Variants in CD4 observed in about 807,000 individuals in gnomAD.
The protein encoded by CD4 is CD4 molecule.
CD4 carries 25 observed loss-of-function variants against 50.5 expected under a neutral mutation model. The observed-to-expected ratio is 0.49, with a 90% CI of 0.36 to 0.69. The LOEUF is 0.69. Among genes scored for constraint, CD4 ranks in the 30% least tolerant of loss-of-function variants. The pLI, the probability that CD4 is intolerant of heterozygous loss-of-function variation, is 0.00. For missense variants in CD4, 456 were observed against 548.5 expected (o/e 0.83, Z 1.68); for synonymous variants, 207 against 221.9 (o/e 0.93, Z 0.60).
At chr12:6,802,876 G>A (rs2137871235) in intron 3 of CD4, among the ~76,000 whole-genome samples, 1 of 152,090 alleles carries the variant, frequency 6.6e-6, no homozygotes, top group Non-Finnish European at 1.5e-5. Context: ...TGGGACTACA[G>A]ACACGTGCCA....
rs781953886 is a variant in CD4 at position 6,817,118 on chromosome 12, G to A, written c.956-12G>A. ...CTCAGGCCTTTGATCTCAGCCTCTC[G>A]TTCCTCTGCAGCCACTCAGCTCCAG... On this transcript the variant is annotated splice_polypyrimidine_tract_variant and intron_variant, in intron 6 of 9. Transcript: ENST00000011653. 5.0e-6 allele frequency: 8 copies of A among 1,610,910 alleles called. No individual in the cohort carries two copies. Among genetic ancestry groups the A allele is most frequent in the Admixed American group, 3.3e-5 (2 of 59,962 alleles).
At position 6,818,088 on chromosome 12, in the gene CD4, ACG is replaced by A. The variant is rs1344029168; in HGVS notation, c.1157-329_1157-328del. Among the ~76,000 whole-genome samples the A allele has an allele frequency of 3.3e-4, 49 of 149,510 alleles. No individual in the cohort carries two copies. Among genetic ancestry groups the A allele is most frequent in the African/African-American group, 8.3e-4 (33 of 39,968 alleles). ...CACACACATTCACACATGGACTCAC[ACG>A]CGCACACGCGCGCACACACACACAT... On this transcript the variant is annotated intron_variant, in intron 7 of 9. Coordinates refer to ENST00000011653, the MANE Select transcript of CD4 (RefSeq NM_000616.5). This position sits in a 1 kb window ranked among gnomAD's most constrained non-coding sequence, Gnocchi z 5.0.
At chr12:6,812,035 C>T (rs1168533487) in intron 3 of CD4, among the ~76,000 whole-genome samples, 1 of 152,026 alleles carries the variant, frequency 6.6e-6, no homozygotes, top group Non-Finnish European at 1.5e-5. Context: ...CTAGGTTGGT[C>T]CCAGACTCCT....
chr12:6,797,265 T>C (rs1942400068), intron 1 of CD4, among the ~76,000 whole-genome samples: 1 of 151,958 alleles, frequency 6.6e-6, no homozygotes, highest in African/African-American at 2.4e-5. Flanking sequence ...GTCTCGCCTG[T>C]CTGCCAAGCG....
chr12:6,818,598 C>A lies in CD4; in HGVS notation c.1278+56C>A. The A allele has an allele frequency of 6.2e-7, 1 of 1,606,064 alleles. No individual in the cohort carries two copies. ...GCCCTCAAACCCCTGAGTCCTCTAC[C>A]AGGAGATCCTGTATATGGGAACTGA... On this transcript the variant is annotated intron_variant, in intron 8 of 9. Transcript: ENST00000011653. This position sits in a 1 kb window ranked among gnomAD's most constrained non-coding sequence, Gnocchi z 5.0.
chr12:6,805,360 T>C (rs1173923908), intron 3 of CD4, among the ~76,000 whole-genome samples: 2 of 151,586 alleles, frequency 1.3e-5, no homozygotes, highest in Non-Finnish European at 2.9e-5. Flanking sequence ...GTCGGGAGTT[T>C]GAGACCAGCC....
In CD4 at chr12:6,792,626, G is replaced by C. The variant is rs556029236; in HGVS notation, c.-68+2964G>C. Among the ~76,000 whole-genome samples the C allele has an allele frequency of 6.6e-6, 1 of 152,084 alleles. No individual in the cohort carries two copies. The highest frequency in any genetic ancestry group is 1.5e-5 in the Non-Finnish European group (1 of 68,010). ...CATGTGTCCCTCCCACCCTGCAGCC[G>C]GCTCCCTCACATCCACCCTGGGCTG... On this transcript the variant is annotated intron_variant, in intron 1 of 9. Transcript: ENST00000011653. This position sits in a 1 kb window ranked among gnomAD's most constrained non-coding sequence, Gnocchi z 4.1.
intron 1 of CD4, among the ~76,000 whole-genome samples, chr12:6,793,532 C>T (rs1389248452): frequency 1.3e-5 from 2 of 152,148 alleles, no homozygotes; most frequent in African/African-American, 2.4e-5. Context: ...TGCATGCTAA[C>T]CTGTAAACAC....
At chr12:6,813,910 G>A in intron 3 of CD4, 2 of 406,380 alleles carry the variant, frequency 4.9e-6, no homozygotes, top group Non-Finnish European at 8.9e-6. Context: ...TGTAGGAGTT[G>A]GTGCTCTCCA....
chr12:6,801,756 T>C (rs1163624527), intron 3 of CD4, among the ~76,000 whole-genome samples: 1 of 149,744 alleles, frequency 6.7e-6, no homozygotes, highest in Non-Finnish European at 1.5e-5. Flanking sequence ...GAGACAGAGT[T>C]TCACGGTGTT....
chr12:6,817,138 C>A lies in CD4; in HGVS notation c.964C>A (p.Leu322Ile). The change falls in exon 7 of 10, where the codon CTC (leucine) becomes ATC (isoleucine). Residue 322 changes from leucine (L) to isoleucine (I), a missense_variant. Transcript: ENST00000011653. The stretch of plus-strand genomic sequence containing the variant: ...CTCTCGTTCCTCTGCAGCCACTCAG[C>A]TCCAGAAAAATTTGACCTGTGAGGT... ...VNLVVMRATQ[L>I]QKNLTCEVWG... 6.2e-7 allele frequency: 1 copy of A among 1,613,686 alleles called. No individual in the cohort carries two copies. Among genetic ancestry groups the A allele is most frequent in the South Asian group, 1.1e-5 (1 of 91,080 alleles).
rs933514081 is a variant in CD4, at chr12:6,792,038, T to C, written c.-68+2376T>C. 5.3e-5 allele frequency among the ~76,000 whole-genome samples: 8 copies of C among 152,170 alleles called. No individual in the cohort carries two copies. The East Asian group carries it at 1.4e-3, about 26-fold the overall frequency. Reference sequence around the variant, plus strand: ...TGGGTGTCTGAGGCGAAGAAGAGGATGGCGGAGGTTGCAGCCACCAACCAC... The same window carrying C: ...TGGGTGTCTGAGGCGAAGAAGAGGACGGCGGAGGTTGCAGCCACCAACCAC... On this transcript the variant is annotated intron_variant, in intron 1 of 9. Coordinates refer to ENST00000011653, the MANE Select transcript of CD4 (RefSeq NM_000616.5). The surrounding 1 kb of genome is among the most constrained non-coding windows in gnomAD (Gnocchi z 4.1).
intron 1 of CD4, among the ~76,000 whole-genome samples, chr12:6,795,707 G>T (rs574900251): frequency 9.2e-5 from 14 of 152,352 alleles, no homozygotes; most frequent in African/African-American, 2.9e-4. Flanking sequence ...GCTGTGGAGG[G>T]GCAGGGCTGC....
chr12:6,802,963 G>A (rs941322024), intron 3 of CD4, among the ~76,000 whole-genome samples: 1 of 151,898 alleles, frequency 6.6e-6, no homozygotes, highest in East Asian at 1.9e-4. Flanking sequence ...TCAATCTCTC[G>A]ACTTCGTGAT....
intron 1 of CD4, among the ~76,000 whole-genome samples, chr12:6,799,793 A>G (rs1555114902): frequency 1.3e-5 from 2 of 152,198 alleles, no homozygotes; most frequent in Non-Finnish European, 2.9e-5. Context: ...GTATATGCCC[A>G]TCTCTTAGGA....
At chr12:6,803,850 G>A (rs1019495148) in intron 3 of CD4, among the ~76,000 whole-genome samples, 7 of 150,982 alleles carry the variant, frequency 4.6e-5, no homozygotes, top group Non-Finnish European at 8.9e-5. Context: ...GGTGGCTCAC[G>A]CCTGTAATCC....
chr12:6,814,339 G>A, intron 4 of CD4, 39 bp downstream of exon 4: 2 of 1,591,580 alleles, frequency 1.3e-6, no homozygotes, highest in Non-Finnish European at 1.7e-6. Flanking sequence ...CCTCCTGCCT[G>A]GTTCCCTTCC....
chr12:6,799,480 TACGGGG>T (rs1555114826), intron 1 of CD4: 1 of 152,644 alleles, frequency 6.6e-6, no homozygotes, highest in Non-Finnish European at 1.5e-5. Context: ...CTAATTACTA[TACGGGG>T]TCATTTTGAG....
chr12:6,813,328 A>T (rs12812942), intron 3 of CD4, among the ~76,000 whole-genome samples: 43,837 of 150,568 alleles, frequency 0.29, 7,195 homozygotes, highest in Non-Finnish European at 0.36. Flanking sequence ...AAGAGCTGGG[A>T]TGAGAGATTT....
Sources: allele counts gnomAD v4.1 joint callset (sites outside exome capture counted in the v4.1 genomes callset), GRCh38; gene constraint gnomAD v4.1.1; non-coding constraint Gnocchi (gnomAD v3.1); transcripts MANE v1.5; gene names NCBI Gene and HGNC (gene_info 2026-07-23, HGNC 2026-07-21).